L3MBTL3: variants seen among roughly 807,000 people sequenced by gnomAD.
L3MBTL3 encodes the protein lethal(3)malignant brain tumor-like protein 3.
A neutral mutation model predicts 102.3 loss-of-function variants in L3MBTL3; 27 were observed. The ratio of observed to expected loss-of-function variants is 0.26; its 90% CI spans 0.19 to 0.36. L3MBTL3 has a LOEUF of 0.36. Ranked by LOEUF, L3MBTL3 falls within the 10% of genes least tolerant of loss-of-function variation. The probability of loss-of-function intolerance (pLI) is 1.00; values close to 1 mark genes in which losing one functional copy is unlikely to be tolerated. For synonymous variants in L3MBTL3, 340 were observed against 320.9 expected (o/e 1.06, Z -0.64); for missense variants, 798 against 955.3 (o/e 0.84, Z 2.17).
intron 20 of L3MBTL3, among the ~76,000 whole-genome samples, chr6:130,129,264 C>T (rs1375081518): frequency 6.6e-6 from 1 of 151,972 alleles, no homozygotes; most frequent in South Asian, 2.1e-4. Context: ...ATGTATAGGC[C>T]TCACTGAGAA....
intron 19 of L3MBTL3, among the ~76,000 whole-genome samples, chr6:130,107,535 AT>A (rs1785065284): frequency 6.6e-6 from 1 of 152,216 alleles, no homozygotes; most frequent in Non-Finnish European, 1.5e-5. Context: ...TAAAGTGTCT[AT>A]AAAAGTAAAA....
rs544153495 is a variant in L3MBTL3, at chr6:130,109,455, C to T, written c.1886+4880C>T. 2.6e-5 allele frequency among the ~76,000 whole-genome samples: 4 copies of T among 152,292 alleles called. No individual in the cohort carries two copies. In the East Asian group the frequency reaches 7.7e-4, roughly 29 times the overall value. On this transcript the variant is annotated intron_variant, in intron 19 of 22. Transcript: ENST00000361794. ...TTTTGATTTGCATTTATCTAATGAC[C>T]AGTGATGATGAGCTTGTTTTCACAT...
chr6:130,047,844 A>G (rs1336889656), intron 3 of L3MBTL3, among the ~76,000 whole-genome samples: 2 of 152,158 alleles, frequency 1.3e-5, no homozygotes, highest in African/African-American at 4.8e-5. Flanking sequence ...TTCTTTTTCT[A>G]AAAGTAAAGT....
Position 130,133,848 on chromosome 6 carries a change from A to C in L3MBTL3, c.2142A>C (p.Ser714=), listed in dbSNP as rs778989954. ...KVSKWSTDEV[S]EFIQSLPGCE... ...TTTGATATTGCTTTTGACAGGTGTC[A>C]GAATTTATACAGAGCTTACCTGGGT... is the stretch of plus-strand genomic sequence containing the variant. The change falls in exon 22 of 23, where the codon TCA becomes TCC. Residue 714 remains serine, a synonymous_variant. Transcript: ENST00000361794. This position sits in a 1 kb window ranked among gnomAD's most constrained non-coding sequence, Gnocchi z 4.9. 2.5e-6 allele frequency: 4 copies of C among 1,612,550 alleles called. No homozygotes were observed. In the Admixed American group the frequency reaches 6.7e-5, roughly 27 times the overall value.
chr6:130,051,471 G>C lies in L3MBTL3; in HGVS notation c.449+63G>C, dbSNP rs1781087756. ...TAGATTCCAAAGTCATGGTGCCTGA[G>C]AATATAGAAGTTTTATGCTCTCGGA... On this transcript the variant is annotated intron_variant, in intron 6 of 22. Coordinates refer to ENST00000361794, the MANE Select transcript of L3MBTL3 (RefSeq NM_032438.4). 1.4e-5 allele frequency: 20 copies of C among 1,419,294 alleles called. No homozygotes were observed. The South Asian group carries it at 2.3e-4, about 16-fold the overall frequency. The allele number at this position is 1,419,294 out of a possible 1,614,324, so 87.9% of individuals were successfully genotyped here. A position where few individuals can be genotyped will look rare whatever the true frequency, so the allele number is the denominator to read the frequency against.
intron 19 of L3MBTL3, among the ~76,000 whole-genome samples, chr6:130,108,220 GTTTTTTTTTTGTTTTTTTTT>G (rs758602702): frequency 1.8e-3 from 211 of 118,720 alleles, no homozygotes; most frequent in African/African-American, 5.6e-3. Context: ...ATGTTAGGTG[GTTTTTTTTTTGTTTTTTTTT>G]TTTTTTTTTT....
At chr6:130,130,784 C>T (rs1786955404) in intron 20 of L3MBTL3, among the ~76,000 whole-genome samples, 1 of 152,148 alleles carries the variant, frequency 6.6e-6, no homozygotes, top group African/African-American at 2.4e-5. Context: ...GGAGCAGACA[C>T]TAGAATTTTT....
chr6:130,131,305 C>CA (rs1211788982), intron 20 of L3MBTL3, among the ~76,000 whole-genome samples: 4 of 152,138 alleles, frequency 2.6e-5, no homozygotes, highest in African/African-American at 9.7e-5. Context: ...ACTATACACC[C>CA]ACTAAACGGT....
intron 10 of L3MBTL3, among the ~76,000 whole-genome samples, chr6:130,064,848 C>T (rs1379301889): frequency 1.3e-5 from 2 of 152,184 alleles, no homozygotes; most frequent in African/African-American, 2.4e-5. Context: ...ACAGAGAGAG[C>T]TTGGCTCAAG....
intron 19 of L3MBTL3, among the ~76,000 whole-genome samples, chr6:130,112,880 T>C (rs1213731778): frequency 6.6e-6 from 1 of 152,156 alleles, no homozygotes; most frequent in Non-Finnish European, 1.5e-5. Flanking sequence ...ATCCCAGTGA[T>C]CCATTTATTC....
At chr6:130,067,847 T>A (rs1782367139) in intron 11 of L3MBTL3, among the ~76,000 whole-genome samples, 1 of 152,232 alleles carries the variant, frequency 6.6e-6, no homozygotes, top group Non-Finnish European at 1.5e-5. Flanking sequence ...GCCAGCATCC[T>A]TACTTCATAA....
At chr6:130,122,858 A>G (rs1041065540) in intron 20 of L3MBTL3, among the ~76,000 whole-genome samples, 4 of 152,160 alleles carry the variant, frequency 2.6e-5, no homozygotes, top group Admixed American at 2.0e-4. Context: ...TGTAAAATGG[A>G]TGTAGTAATG....
At chr6:130,046,420 C>G (rs1006486647) in intron 3 of L3MBTL3, among the ~76,000 whole-genome samples, 1 of 152,136 alleles carries the variant, frequency 6.6e-6, no homozygotes, top group African/African-American at 2.4e-5. Flanking sequence ...ATGAAAATAA[C>G]CTCAACAGTA....
intron 10 of L3MBTL3, among the ~76,000 whole-genome samples, chr6:130,062,141 T>G (rs1380338433): frequency 1.3e-5 from 2 of 152,208 alleles, no homozygotes; most frequent in Non-Finnish European, 2.9e-5. Flanking sequence ...TTATTTTACC[T>G]TCCCTATTTT....
At position 130,140,924 on chromosome 6, in the gene L3MBTL3, T is replaced by C. The variant is rs1268752534; in HGVS notation, c.*1171T>C. 6.6e-6 allele frequency: 1 copy of C among 152,628 alleles called. No homozygotes were observed. Among genetic ancestry groups the C allele is most frequent in the African/African-American group, 2.4e-5 (1 of 41,454 alleles). 9.5% of individuals were successfully genotyped at this position (152,628 alleles called of 1,614,324 possible). A position where few individuals can be genotyped will look rare whatever the true frequency, so the allele number is the denominator to read the frequency against. Reference sequence around the variant, plus strand: ...CCCAAGAACCTCCGTTTTGGAAGGATTCCTTTTTCTGTAGAATACTTTGCC... The same window carrying C: ...CCCAAGAACCTCCGTTTTGGAAGGACTCCTTTTTCTGTAGAATACTTTGCC... On this transcript the variant is annotated 3_prime_UTR_variant, in exon 23 of 23. Coordinates refer to ENST00000361794, the MANE Select transcript of L3MBTL3 (RefSeq NM_032438.4).
intron 19 of L3MBTL3, among the ~76,000 whole-genome samples, chr6:130,106,067 TAA>T (rs1167146558): frequency 6.6e-6 from 1 of 152,238 alleles, no homozygotes; most frequent in Non-Finnish European, 1.5e-5. Context: ...TCAGACATTT[TAA>T]AGTTTTCTAT....
chr6:130,056,386 C>T (rs1218332125), intron 8 of L3MBTL3, among the ~76,000 whole-genome samples: 3 of 152,178 alleles, frequency 2.0e-5, no homozygotes, highest in Admixed American at 1.3e-4. Flanking sequence ...GGATGTCCCC[C>T]ACAAGGCTCT....
At chr6:130,022,934 T>G (rs748481768) in intron 2 of L3MBTL3, among the ~76,000 whole-genome samples, 9 of 152,236 alleles carry the variant, frequency 5.9e-5, no homozygotes, top group Non-Finnish European at 1.0e-4. Flanking sequence ...GGTGTTGGCT[T>G]CTTTCCAATA....
intron 1 of L3MBTL3, among the ~76,000 whole-genome samples, chr6:130,019,992 CGCGGCGGCGGCGGCCGCGCCGGG>C (rs1481766539): frequency 4.3e-5 from 4 of 94,020 alleles, no homozygotes; most frequent in Admixed American, 1.2e-4. Context: ...CGGCGGCGGT[CGCGGCGGCGGCGGCCGCGCCGGG>C]GCGGCGGGCT....
Sources: gnomAD v4.1 joint callset for allele counts (sites outside exome capture counted in the v4.1 genomes callset) on GRCh38, gnomAD v4.1.1 for gene constraint, Gnocchi (gnomAD v3.1) non-coding constraint, MANE v1.5 for transcripts, NCBI Gene and HGNC (gene_info 2026-07-23, HGNC 2026-07-21) for gene names.